PHF10: variants seen among roughly 807,000 people sequenced by gnomAD.
The protein encoded by PHF10 is PHD finger protein 10.
In PHF10, 51 loss-of-function variants were observed where a neutral mutation model predicts 68.5. That is an observed-to-expected ratio of 0.74 (90% CI 0.59 to 0.94). The LOEUF is 0.94. Ranked by LOEUF, PHF10 falls within the 40% of genes least tolerant of loss-of-function variation. The probability of loss-of-function intolerance (pLI) is 0.00; values close to 1 mark genes in which losing one functional copy is unlikely to be tolerated. For synonymous variants in PHF10, 204 were observed against 203.5 expected, an observed-to-expected ratio of 1.00 and a Z score of -0.02; for missense variants, 460 against 602.6, an observed-to-expected ratio of 0.76 and a Z score of 2.48.
At chr6:169,718,401 C>A (rs1360258375) in intron 3 of PHF10, among the ~76,000 whole-genome samples, 2 of 152,150 alleles carry the variant, frequency 1.3e-5, no homozygotes, top group Non-Finnish European at 2.9e-5. Context: ...GTGGCTCACA[C>A]CTGTAATCCT....
At chr6:169,723,052 G>C (rs1789218073) in intron 1 of PHF10, among the ~76,000 whole-genome samples, 1 of 152,240 alleles carries the variant, frequency 6.6e-6, no homozygotes, top group African/African-American at 2.4e-5. Context: ...AGCCCGGCTA[G>C]GCTGCTACAG....
At chr6:169,723,653 C>T (rs1272878592) in intron 1 of PHF10, among the ~76,000 whole-genome samples, 192 bp downstream of exon 1, 2 of 151,942 alleles carry the variant, frequency 1.3e-5, no homozygotes, top group Non-Finnish European at 2.9e-5. Context: ...CCCGCCCGCA[C>T]TTGTTGCTCG....
At chr6:169,720,697 T>A (rs1243631204) in intron 2 of PHF10, among the ~76,000 whole-genome samples, 1 of 152,152 alleles carries the variant, frequency 6.6e-6, no homozygotes, top group East Asian at 1.9e-4. Context: ...TTTGGGGTAG[T>A]GAAAGTTTTG....
intron 8 of PHF10, among the ~76,000 whole-genome samples, chr6:169,712,002 C>T (rs1788935745): frequency 6.6e-6 from 1 of 152,048 alleles, no homozygotes; most frequent in African/African-American, 2.4e-5. Context: ...TAATATTTTC[C>T]TATAGGAAGC....
chr6:169,706,723 TACATACACACACACACACACACACAC>T (rs950624663), intron 9 of PHF10, among the ~76,000 whole-genome samples: 7 of 72,452 alleles, frequency 9.7e-5, no homozygotes, highest in Non-Finnish European at 1.7e-4. Flanking sequence ...CATACATACA[TACATACACACACACACACACACACAC>T]ACACACACAC....
intron 1 of PHF10, among the ~76,000 whole-genome samples, chr6:169,723,570 G>A (rs1227428332): frequency 6.6e-6 from 1 of 152,198 alleles, no homozygotes; most frequent in African/African-American, 2.4e-5. Context: ...TGGCCTAGGA[G>A]GAGGCGTTTT....
At position 169,724,116 on chromosome 6, in the gene PHF10, G is replaced by GCCGCCA. The variant is rs1031110221; in HGVS notation, c.-191_-186dup. 5.7e-5 allele frequency: 8 copies of GCCGCCA among 140,984 alleles called. No homozygotes were observed. In the East Asian group the frequency reaches 8.9e-4, roughly 16 times the overall value. 8.7% of individuals were successfully genotyped at this position (140,984 alleles called of 1,614,324 possible). A position where few individuals can be genotyped will look rare whatever the true frequency, so the allele number is the denominator to read the frequency against. ...GCGCGCCCCGCGGCCCGCCAGCGCCGCCGCCACCGCCATGGCCGTCGCCAG... is the reference window on the plus strand; with the variant it reads ...GCGCGCCCCGCGGCCCGCCAGCGCCGCCGCCACCGCCACCGCCATGGCCGTCGCCAG... On this transcript the variant is annotated 5_prime_UTR_variant, in exon 1 of 12. Coordinates refer to ENST00000339209, the MANE Select transcript of PHF10 (RefSeq NM_018288.4).
chr6:169,713,555 C>T lies in PHF10; in HGVS notation c.804-1016G>A, dbSNP rs577779068. On this transcript the variant is annotated intron_variant, in intron 7 of 11. Transcript: ENST00000339209. The stretch of plus-strand genomic sequence containing the variant: ...CAGAGGTTGCAGTGAGCCGAGATCG[C>T]GCCACTGCACTCCAGCCTGGGCGAC... 4.7e-5 allele frequency among the ~76,000 whole-genome samples: 7 copies of T among 149,072 alleles called. No individual in the cohort carries two copies. The South Asian group carries it at 6.4e-4, about 14-fold the overall frequency.
intron 7 of PHF10, among the ~76,000 whole-genome samples, chr6:169,713,756 T>C (rs527543463): frequency 9.2e-5 from 14 of 152,314 alleles, no homozygotes; most frequent in African/African-American, 2.6e-4. Flanking sequence ...AATTCTATTC[T>C]CTAAAAAATA....
intron 3 of PHF10, 129 bp from the exon 4 acceptor site, chr6:169,718,035 C>T (rs1232788717): frequency 8.7e-6 from 4 of 457,714 alleles, no homozygotes; most frequent in South Asian, 5.5e-5. Flanking sequence ...ATTAAAGGGG[C>T]TACAAAAAAA....
chr6:169,715,118 C>T (rs571648533), intron 6 of PHF10, among the ~76,000 whole-genome samples: 2 of 152,270 alleles, frequency 1.3e-5, no homozygotes, highest in Admixed American at 1.3e-4. Flanking sequence ...CTCTCTGTAG[C>T]TCAATTTCTT....
chr6:169,709,141 C>T (rs1376127760), intron 9 of PHF10: 7 of 151,064 alleles, frequency 4.6e-5, no homozygotes, highest in African/African-American at 1.7e-4. Context: ...AATACACTAA[C>T]TTAATGTCGC....
intron 5 of PHF10, 32 bp from the exon 6 acceptor site, chr6:169,715,889 T>A (rs766799196): frequency 6.3e-7 from 1 of 1,599,632 alleles, no homozygotes; most frequent in Non-Finnish European, 8.5e-7. Flanking sequence ...GGAAGTCACA[T>A]ATAACTTTCT....
rs1788683815 is a variant in PHF10 at position 169,704,095 on chromosome 6, A to G, written c.1412-7T>C. 1.3e-6 allele frequency: 2 copies of G among 1,573,768 alleles called. No homozygotes were observed. Among genetic ancestry groups the G allele is most frequent in the Non-Finnish European group, 1.7e-6 (2 of 1,168,370 alleles). On this transcript the variant is annotated splice_polypyrimidine_tract_variant and splice_region_variant and intron_variant, in intron 11 of 11. Transcript: ENST00000339209. ...CAGTCACAAATCCAGCGACCTAGGA[A>G]AAAAATTGTTAATATAGAATGAAAA... is the stretch of plus-strand genomic sequence containing the variant.
chr6:169,709,697 TGTAA>T (rs1435351863), intron 9 of PHF10: 2 of 152,198 alleles, frequency 1.3e-5, no homozygotes, highest in Non-Finnish European at 2.9e-5. Context: ...ATCACTACAA[TGTAA>T]GTAACAGGTT....
intron 4 of PHF10, among the ~76,000 whole-genome samples, chr6:169,716,541 CCATGGAG>C (rs1562987783): frequency 1.3e-5 from 2 of 151,898 alleles, no homozygotes; most frequent in African/African-American, 4.8e-5. Context: ...CACACACACA[CCATGGAG>C]ACAATTTTCA....
intron 7 of PHF10, among the ~76,000 whole-genome samples, chr6:169,713,196 G>A (rs771162375): frequency 1.3e-5 from 2 of 152,100 alleles, no homozygotes; most frequent in Admixed American, 6.6e-5. Context: ...CCATTCAGGA[G>A]GCAACCCTAG....
rs1417813062 is a variant in PHF10, at chr6:169,724,493, T to C, written c.-562A>G. Among the ~76,000 whole-genome samples the C allele has an allele frequency of 6.4e-4, 80 of 124,258 alleles. No individual in the cohort carries two copies. The highest frequency in any genetic ancestry group is 9.9e-4 in the Non-Finnish European group (59 of 59,390). The allele number at this position is 124,258 out of a possible 152,430, so 81.5% of individuals were successfully genotyped here. A position where few individuals can be genotyped will look rare whatever the true frequency, so the allele number is the denominator to read the frequency against. On this transcript the variant is annotated 5_prime_UTR_variant, in exon 1 of 12. Transcript: ENST00000339209. ...CCGCCTGGCTCCCCACGGCCCGGCG[T>C]TGTACTCGGCCGCGGCTCCCCCCAG...
intron 9 of PHF10, 115 bp downstream of exon 9, chr6:169,710,121 G>C: frequency 1.4e-6 from 1 of 716,660 alleles, no homozygotes; most frequent in Non-Finnish European, 2.3e-6. Context: ...CACCATAGAA[G>C]AACAGCTAGT....
Sources: allele counts gnomAD v4.1 joint callset (sites outside exome capture counted in the v4.1 genomes callset), GRCh38; gene constraint gnomAD v4.1.1; transcripts MANE v1.5; gene names NCBI Gene and HGNC (gene_info 2026-07-23, HGNC 2026-07-21).